TTI1: variants seen among roughly 807,000 people sequenced by gnomAD.
The protein encoded by TTI1 is TELO2 interacting protein 1.
Under a neutral mutation model 85.4 loss-of-function variants are expected in TTI1, and 52 were observed. The observed-to-expected ratio is 0.61, with a 90% CI of 0.49 to 0.77. The LOEUF is 0.77. Ranked by LOEUF, TTI1 falls within the 30% of genes least tolerant of loss-of-function variation. The pLI, the probability that TTI1 is intolerant of heterozygous loss-of-function variation, is 0.00. For synonymous variants in TTI1, 512 were observed against 503.9 expected (o/e 1.02, Z -0.22); for missense variants, 1,173 against 1,296.0 (o/e 0.91, Z 1.46).
Position 37,996,822 on chromosome 20 carries a change from C to A in TTI1, c.2925G>T (p.Ser975=). ...PISARAGPVY[S]HTLAFKLQLA... ...GCTGCAACTTGAAGGCCAGCGTGTG[C>A]GAGTAAACTGGTCCAGCCCTGGCAC... The change falls in exon 6 of 8, where the codon TCG becomes TCT. Residue 975 remains serine (S), a synonymous_variant. Coordinates refer to ENST00000373447, the MANE Select transcript of TTI1 (RefSeq NM_001303457.2). The A allele has an allele frequency of 6.8e-6, 11 of 1,614,016 alleles. No individual in the cohort carries two copies. Among genetic ancestry groups the A allele is most frequent in the Non-Finnish European group, 9.3e-6 (11 of 1,179,928 alleles).
At position 38,020,352 on chromosome 20, in the gene TTI1, ATG is replaced by A. The variant is rs1555795786; in HGVS notation, c.-41-6497_-41-6496del. 2.0e-3 allele frequency among the ~76,000 whole-genome samples: 249 copies of A among 126,912 alleles called. 1 individual carries two copies. Among genetic ancestry groups the A allele is most frequent in the Middle Eastern group, 8.4e-3 (2 of 238 alleles). The allele number at this position is 126,912 out of a possible 152,430, so 83.3% of individuals were successfully genotyped here. On this transcript the variant is annotated intron_variant, in intron 1 of 7. Transcript: ENST00000373447. ...TATATATATATATATATATATATATATGTATGTATCTTGATTCCATCACATCC... is the reference window on the plus strand; with the variant it reads ...TATATATATATATATATATATATATATATGTATCTTGATTCCATCACATCC...
At position 38,002,631 on chromosome 20, in the gene TTI1, C is replaced by T; in HGVS notation, c.2649G>A (p.Leu883=). ...LLSDKNLQIR[L]KVLDVLDLCV... ...AGAGAAGCAGCTGCGCACTGACCTT[C>T]AGGCGGATTTGCAGATTTTTATCTG... Residue 883 remains leucine, a synonymous_variant, in exon 4 of 8, where the codon CTG becomes CTA. Transcript: ENST00000373447. 2 of 1,614,170 alleles carry T rather than the reference C, an allele frequency of 1.2e-6. No individual in the cohort carries two copies. The highest frequency in any genetic ancestry group is 1.7e-6 in the Non-Finnish European group (2 of 1,179,974).
At chr20:38,022,324 C>T (rs1050292172) in intron 1 of TTI1, among the ~76,000 whole-genome samples, 17 of 152,170 alleles carry the variant, frequency 1.1e-4, no homozygotes, top group African/African-American at 3.9e-4. Flanking sequence ...GCTTACTCCT[C>T]ATCTCCTTTC....
intron 7 of TTI1, among the ~76,000 whole-genome samples, chr20:37,985,115 G>A (rs907480497): frequency 1.3e-5 from 2 of 152,200 alleles, no homozygotes; most frequent in Non-Finnish European, 2.9e-5. Flanking sequence ...ATGTGGCTTT[G>A]GGAAATTATT....
intron 2 of TTI1, among the ~76,000 whole-genome samples, chr20:38,011,025 T>C (rs2073578595): frequency 6.6e-6 from 1 of 152,208 alleles, no homozygotes; most frequent in Admixed American, 6.5e-5. Context: ...GAATAAAGAT[T>C]ATTTCTATCA....
intron 1 of TTI1, among the ~76,000 whole-genome samples, chr20:38,017,279 A>G (rs901582317): frequency 3.9e-5 from 6 of 152,222 alleles, no homozygotes; most frequent in African/African-American, 1.4e-4. Flanking sequence ...ACTCCTGCCA[A>G]TGACTAGAAA....
At position 38,011,687 on chromosome 20, in the gene TTI1, A is replaced by G. The variant is rs746560543; in HGVS notation, c.2130T>C (p.Ala710=). The G allele has an allele frequency of 4.3e-6, 7 of 1,614,250 alleles. No homozygotes were observed. Among genetic ancestry groups the G allele is most frequent in the Admixed American group, 1.7e-5 (1 of 60,026 alleles). Residue 710 remains alanine (A), a synonymous_variant, in exon 2 of 8, where the codon GCT becomes GCC. Coordinates refer to ENST00000373447, the MANE Select transcript of TTI1 (RefSeq NM_001303457.2). The stretch of plus-strand genomic sequence containing the variant: ...GGACCTTTGGGGTATGAGGATGCAG[A>G]GCCAGATGACGCAGATTTAAAGAGA... ...NGISLNLRHL[A]LHPHTPKVLE... is the part of the protein sequence containing the mutation.
intron 1 of TTI1, among the ~76,000 whole-genome samples, chr20:38,028,153 C>T (rs758399886): frequency 3.9e-5 from 6 of 152,126 alleles, no homozygotes; most frequent in East Asian, 1.9e-4. Flanking sequence ...TCTACAGAGA[C>T]GGAACCCATG....
Position 37,983,932 on chromosome 20 carries a change from A to C in TTI1, c.3087-293T>G, listed in dbSNP as rs530773652. Among the ~76,000 whole-genome samples, 9 of 152,088 alleles carry C rather than the reference A, an allele frequency of 5.9e-5. No homozygotes were observed. In the South Asian group the frequency reaches 1.5e-3, roughly 25 times the overall value. On this transcript the variant is annotated intron_variant, in intron 7 of 7. Coordinates refer to ENST00000373447, the MANE Select transcript of TTI1 (RefSeq NM_001303457.2). ...GCAAACAAGCTCTTGGCAAAGAAAG[A>C]GGTTGAGTTCCAGAGTAGAAAGCAG... is the stretch of plus-strand genomic sequence containing the variant.
intron 1 of TTI1, among the ~76,000 whole-genome samples, chr20:38,025,702 G>T (rs1287741218): frequency 3.9e-5 from 6 of 152,218 alleles, no homozygotes; most frequent in African/African-American, 1.4e-4. Flanking sequence ...AAGCAATTAT[G>T]AATATACTTC....
At chr20:37,998,571 T>C (rs1340687134) in intron 5 of TTI1, among the ~76,000 whole-genome samples, 1 of 152,180 alleles carries the variant, frequency 6.6e-6, no homozygotes, top group Non-Finnish European at 1.5e-5. Flanking sequence ...TAAGCCAAAC[T>C]AAGCCAGGGA....
intron 3 of TTI1, among the ~76,000 whole-genome samples, chr20:38,003,787 C>T (rs1003994823): frequency 6.6e-6 from 1 of 151,332 alleles, no homozygotes; most frequent in African/African-American, 2.4e-5. Flanking sequence ...TAGCAGGGTT[C>T]TCGTGTGGAG....
chr20:38,007,841 A>C (rs2073524618), intron 2 of TTI1, among the ~76,000 whole-genome samples: 1 of 152,222 alleles, frequency 6.6e-6, no homozygotes, highest in Admixed American at 6.5e-5. Flanking sequence ...ATCCATTATG[A>C]CATTCTTCAA....
Position 38,011,991 on chromosome 20 carries a change from G to C in TTI1, c.1826C>G (p.Ala609Gly), listed in dbSNP as rs1279893182. The C allele has an allele frequency of 6.2e-7, 1 of 1,614,104 alleles. No homozygotes were observed. Among genetic ancestry groups the C allele is most frequent in the African/African-American group, 1.3e-5 (1 of 74,928 alleles). The change falls in exon 2 of 8, where the codon GCC (alanine) becomes GGC (glycine). Residue 609 changes from alanine (A) to glycine (G), a missense_variant. By Grantham distance (60) the Ala-to-Gly change is moderately conservative. Transcript: ENST00000373447. ...EHTCQVTSFL[A>G]FSKPSPTICS... is the part of the protein sequence containing the mutation. ...AATAGTGGGACTTGGCTTTGAGAAG[G>C]CTAGAAAAGATGTAACTTGGCAGGT... is the stretch of plus-strand genomic sequence containing the variant.
At chr20:38,020,905 A>G (rs1675149721) in intron 1 of TTI1, among the ~76,000 whole-genome samples, 1 of 152,210 alleles carries the variant, frequency 6.6e-6, no homozygotes, top group South Asian at 2.1e-4. Flanking sequence ...TGGGCGTATA[A>G]ATCAGTGCAG....
intron 1 of TTI1, among the ~76,000 whole-genome samples, chr20:38,023,364 G>A (rs1367840100): frequency 4.6e-5 from 7 of 152,190 alleles, no homozygotes; most frequent in Admixed American, 3.3e-4. Flanking sequence ...CCAGATCTAC[G>A]GAATCAGAAT....
At chr20:37,991,440 C>A (rs932206511) in intron 7 of TTI1, among the ~76,000 whole-genome samples, 1 of 152,186 alleles carries the variant, frequency 6.6e-6, no homozygotes. Flanking sequence ...AATGAATGAG[C>A]CTGTGCCGGT....
At chr20:38,028,336 T>A (rs1427350167) in intron 1 of TTI1, among the ~76,000 whole-genome samples, 1 of 152,176 alleles carries the variant, frequency 6.6e-6, no homozygotes, top group African/African-American at 2.4e-5. Flanking sequence ...TGGAAAAAGA[T>A]ATTATCATGT....
intron 3 of TTI1, among the ~76,000 whole-genome samples, chr20:38,005,405 CTTT>C (rs1189157852): frequency 6.6e-6 from 1 of 152,122 alleles, no homozygotes; most frequent in African/African-American, 2.4e-5. Flanking sequence ...CTCCCTTCTT[CTTT>C]ATCATATAAA....
Sources: allele counts gnomAD v4.1 joint callset (sites outside exome capture counted in the v4.1 genomes callset), GRCh38; gene constraint gnomAD v4.1.1; transcripts MANE v1.5; gene names NCBI Gene and HGNC (gene_info 2026-07-23, HGNC 2026-07-21).